The following PODXL2 variants were observed in gnomAD, a reference collection of about 807,000 sequenced individuals.
The protein encoded by PODXL2 is podocalyxin-like protein 2.
In PODXL2, 17 loss-of-function variants were observed where a neutral mutation model predicts 53.4. The ratio of observed to expected loss-of-function variants is 0.32; its 90% CI spans 0.22 to 0.48. The LOEUF (loss-of-function observed/expected upper bound fraction) is 0.48. Ranked by LOEUF, PODXL2 falls within the 20% of genes least tolerant of loss-of-function variation. The probability of loss-of-function intolerance (pLI) is 0.99; values close to 1 mark genes in which losing one functional copy is unlikely to be tolerated. For synonymous variants in PODXL2, 311 were observed against 306.7 expected, an observed-to-expected ratio of 1.01 and a Z score of -0.15; for missense variants, 673 against 760.0, an observed-to-expected ratio of 0.89 and a Z score of 1.35.
In PODXL2 at chr3:127,667,904, C is replaced by T. The variant is rs528979509; in HGVS notation, c.1207-537C>T. Among the ~76,000 whole-genome samples, 7 of 152,308 alleles carry T rather than the reference C, an allele frequency of 4.6e-5. No individual in the cohort carries two copies. The South Asian group carries it at 8.3e-4, about 18-fold the overall frequency. On this transcript the variant is annotated intron_variant, in intron 4 of 7. Coordinates refer to ENST00000342480, the MANE Select transcript of PODXL2 (RefSeq NM_015720.4). ...CTGCGATGACAGGCGAGAGGAGAGC[C>T]GCGTTCTGCCACTTCTGGCCCTCCC...
intron 1 of PODXL2, among the ~76,000 whole-genome samples, chr3:127,637,035 C>T (rs2074581932): frequency 2.0e-5 from 3 of 152,184 alleles, no homozygotes; most frequent in South Asian, 2.1e-4. Context: ...ATTGGCCAGG[C>T]CTGTCTCGAC....
chr3:127,667,416 G>T (rs913938021), intron 4 of PODXL2, among the ~76,000 whole-genome samples: 1 of 152,240 alleles, frequency 6.6e-6, no homozygotes, highest in Non-Finnish European at 1.5e-5. Context: ...CTGGGAGAGG[G>T]GTATCTGCAG....
rs1026821033 is a variant in PODXL2 at position 127,672,556 on chromosome 3, G to A, written c.*76G>A. The A allele has an allele frequency of 1.0e-6, 1 of 992,230 alleles. No homozygotes were observed. Among genetic ancestry groups the A allele is most frequent in the South Asian group, 1.9e-5 (1 of 53,798 alleles). The allele number at this position is 992,230 out of a possible 1,614,324, so 61.5% of individuals were successfully genotyped here. ...CCCCGAAACGGACGGCCCGGAGCCCGCACCAGCCCCGCGCCTACCCGGGCC... is the reference window on the plus strand; with the variant it reads ...CCCCGAAACGGACGGCCCGGAGCCCACACCAGCCCCGCGCCTACCCGGGCC... On this transcript the variant is annotated 3_prime_UTR_variant, in exon 8 of 8. Transcript: ENST00000342480.
At chr3:127,663,061 C>T (rs2074777286) in intron 4 of PODXL2, among the ~76,000 whole-genome samples, 1 of 152,218 alleles carries the variant, frequency 6.6e-6, no homozygotes, top group Non-Finnish European at 1.5e-5. Context: ...CTGATGCTCT[C>T]TAGGTCAGAG....
intron 1 of PODXL2, among the ~76,000 whole-genome samples, chr3:127,638,234 A>G (rs958275837): frequency 6.6e-6 from 1 of 152,222 alleles, no homozygotes; most frequent in Non-Finnish European, 1.5e-5. Flanking sequence ...ATAGGGCTAT[A>G]TTCCTGTCCT....
chr3:127,658,883 A>G (rs1349331837), intron 2 of PODXL2, among the ~76,000 whole-genome samples: 1 of 152,040 alleles, frequency 6.6e-6, no homozygotes, highest in African/African-American at 2.4e-5. Flanking sequence ...CTATCTTTCC[A>G]GAAATCATAT....
chr3:127,644,203 C>T (rs906821949), intron 2 of PODXL2, among the ~76,000 whole-genome samples: 15 of 152,074 alleles, frequency 9.9e-5, no homozygotes, highest in African/African-American at 2.9e-4. Context: ...CCTCTGCCTC[C>T]GAGGTTCAAG....
chr3:127,655,244 C>T (rs1443267074), intron 2 of PODXL2, among the ~76,000 whole-genome samples: 1 of 151,924 alleles, frequency 6.6e-6, no homozygotes, highest in Non-Finnish European at 1.5e-5. Context: ...CATGCCCAGC[C>T]ATAATACAAA....
chr3:127,649,166 A>G (rs186294286), intron 2 of PODXL2, among the ~76,000 whole-genome samples: 222 of 152,236 alleles, frequency 1.5e-3, no homozygotes, highest in Non-Finnish European at 2.2e-3. Context: ...ACAATAGTGG[A>G]CACTGTGGTA....
intron 7 of PODXL2, 106 bp from the exon 8 acceptor site, chr3:127,672,162 A>T: frequency 1.3e-6 from 1 of 770,136 alleles, no homozygotes; most frequent in South Asian, 1.6e-5. Flanking sequence ...GCACCTGTGG[A>T]GGGTGCCGCG....
intron 4 of PODXL2, among the ~76,000 whole-genome samples, chr3:127,666,207 G>A (rs761633351): frequency 1.3e-5 from 2 of 152,136 alleles, no homozygotes; most frequent in Non-Finnish European, 1.5e-5. Context: ...ATGATGTCAG[G>A]TATGAATCAA....
Position 127,670,584 on chromosome 3 carries a change from C to CA in PODXL2, c.1426-844dup, listed in dbSNP as rs1378525250. Among the ~76,000 whole-genome samples, 3 of 152,268 alleles carry CA rather than the reference C, an allele frequency of 2.0e-5. No individual in the cohort carries two copies. The East Asian group carries it at 5.8e-4, about 29-fold the overall frequency. ...AGCAAGAAAAACTGACCCTTGATAA[C>CA]AAAAAATTGAGAAAAGTACTGGAGA... On this transcript the variant is annotated intron_variant, in intron 6 of 7. Coordinates refer to ENST00000342480, the MANE Select transcript of PODXL2 (RefSeq NM_015720.4).
At chr3:127,665,205 C>A (rs2074789580) in intron 4 of PODXL2, among the ~76,000 whole-genome samples, 3 of 152,330 alleles carry the variant, frequency 2.0e-5, no homozygotes, top group South Asian at 4.1e-4. Flanking sequence ...TGTCTTGTCT[C>A]TTTAGTCTCC....
intron 2 of PODXL2, among the ~76,000 whole-genome samples, chr3:127,653,233 G>A (rs1001289403): frequency 7.2e-5 from 11 of 152,312 alleles, no homozygotes; most frequent in South Asian, 6.2e-4. Context: ...GCTTCAGGGC[G>A]GTGTGGCTCC....
In PODXL2 at chr3:127,660,569, CAA is replaced by C. The variant is rs2074759049; in HGVS notation, c.542_543del (p.Gln181ArgfsTer24). The stretch of plus-strand genomic sequence containing the variant: ...GAGGGAGAAGGAAGAGGTAGAGAAA[CAA>C]GAGGAGGAGGAAGAGGAGGAGCTGC... ...EEREKEEVEKQEEEEEEELLP... is the reference protein window; with the variant it reads ...EEREKEEVEKXEEEEEEELLP... On this transcript the variant is annotated frameshift_variant, in exon 3 of 8. Coordinates refer to ENST00000342480, the MANE Select transcript of PODXL2 (RefSeq NM_015720.4). LOFTEE classifies it high-confidence loss of function. The C allele has an allele frequency of 6.2e-7, 1 of 1,613,808 alleles. No homozygotes were observed. The highest frequency in any genetic ancestry group is 8.5e-7 in the Non-Finnish European group (1 of 1,179,792).
intron 4 of PODXL2, 58 bp downstream of exon 4, chr3:127,662,369 G>A: frequency 7.1e-7 from 1 of 1,403,676 alleles, no homozygotes; most frequent in Non-Finnish European, 1.0e-6. Context: ...TGGACAGGGT[G>A]GGGCAGAGGG....
chr3:127,635,385 C>A (rs1017314237), intron 1 of PODXL2, among the ~76,000 whole-genome samples: 18 of 152,158 alleles, frequency 1.2e-4, no homozygotes, highest in African/African-American at 4.1e-4. Context: ...ATTTCTGTAC[C>A]AACATAGCCT....
At chr3:127,659,845 G>C (rs903415643) in intron 2 of PODXL2, among the ~76,000 whole-genome samples, 1 of 152,160 alleles carries the variant, frequency 6.6e-6, no homozygotes, top group Non-Finnish European at 1.5e-5. Flanking sequence ...TCCTGTCAGG[G>C]CCTAAATTAC....
chr3:127,658,406 C>CT (rs60979669), intron 2 of PODXL2, among the ~76,000 whole-genome samples: 6,630 of 87,290 alleles, frequency 0.076, 386 homozygotes, highest in African/African-American at 0.19. Context: ...TTTCCCATGT[C>CT]TTTTTTTTTT....
Sources: allele counts gnomAD v4.1 joint callset (sites outside exome capture counted in the v4.1 genomes callset), GRCh38; gene constraint gnomAD v4.1.1; transcripts MANE v1.5; gene names NCBI Gene and HGNC (gene_info 2026-07-23, HGNC 2026-07-21).